Variants in BCKDHB observed in about 807,000 individuals in gnomAD.
BCKDHB encodes branched chain keto acid dehydrogenase E1 subunit beta.
In BCKDHB, 41 loss-of-function variants were observed where a neutral mutation model predicts 48.5. That is an observed-to-expected ratio of 0.85 (90% CI 0.66 to 1.10). BCKDHB has a LOEUF of 1.10. Among genes scored for constraint, BCKDHB ranks in the 50% least tolerant of loss-of-function variants. The pLI, the probability that BCKDHB is intolerant of heterozygous loss-of-function variation, is 0.00. For synonymous variants in BCKDHB, 201 were observed against 174.8 expected (o/e 1.15, Z -1.18); for missense variants, 496 against 494.2 (o/e 1.00, Z -0.03).
chr6:80,139,656 G>T (rs2127739981), intron 3 of BCKDHB, among the ~76,000 whole-genome samples: 1 of 152,128 alleles, frequency 6.6e-6, no homozygotes, highest in African/African-American at 2.4e-5. Flanking sequence ...CTGTTCCATT[G>T]ATCTATGTCT....
At chr6:80,391,639 C>T in the BCKDHB span, among the ~76,000 whole-genome samples, 1 of 152,242 alleles carries the variant, frequency 6.6e-6, no homozygotes, top group South Asian at 2.1e-4. Flanking sequence ...GAACAAATTT[C>T]TGTTGTTGTA....
chr6:80,183,145 A>G (rs1398099250), intron 6 of BCKDHB, among the ~76,000 whole-genome samples: 3 of 152,052 alleles, frequency 2.0e-5, no homozygotes, highest in Non-Finnish European at 4.4e-5. Flanking sequence ...GTATCTCTTA[A>G]TCCCTTTCTT....
chr6:80,233,037 T>C (rs1220237552), intron 8 of BCKDHB, among the ~76,000 whole-genome samples: 1 of 152,154 alleles, frequency 6.6e-6, no homozygotes, highest in Non-Finnish European at 1.5e-5. Context: ...TAAAGTTGTT[T>C]CTTCCTTTCT....
At chr6:80,312,229 C>A (rs1343849555) in intron 9 of BCKDHB, among the ~76,000 whole-genome samples, 1 of 151,666 alleles carries the variant, frequency 6.6e-6, no homozygotes, top group African/African-American at 2.4e-5. Flanking sequence ...TCTTGGCTTG[C>A]CTGTTGTTAG....
At chr6:80,139,069 T>C (rs1335725539) in intron 3 of BCKDHB, among the ~76,000 whole-genome samples, 1 of 152,244 alleles carries the variant, frequency 6.6e-6, no homozygotes, top group East Asian at 1.9e-4. Flanking sequence ...GTGAGCATTT[T>C]TTCATGTGGT....
intron 8 of BCKDHB, among the ~76,000 whole-genome samples, chr6:80,220,680 T>C (rs1775401454): frequency 6.6e-6 from 1 of 151,856 alleles, no homozygotes; most frequent in African/African-American, 2.4e-5. Flanking sequence ...AGCCTGTCTT[T>C]GTAGGCAATT....
At chr6:80,187,493 T>C (rs2322635) in intron 6 of BCKDHB, among the ~76,000 whole-genome samples, 101,935 of 151,938 alleles carry the variant, frequency 0.67, 34,884 homozygotes, top group African/African-American at 0.81. Flanking sequence ...TCAGCTGATA[T>C]TTAGCCAGTT....
intron 3 of BCKDHB, among the ~76,000 whole-genome samples, chr6:80,136,991 C>G (rs1770921769): frequency 6.6e-6 from 1 of 152,110 alleles, no homozygotes; most frequent in Non-Finnish European, 1.5e-5. Context: ...AAATTGGAAT[C>G]ATTGTGCATT....
rs191475115 is a variant in BCKDHB, at chr6:80,259,393, C to T, written c.952-13742C>T. ...CTTTGGCATCATAAAGTAGTAGGAC[C>T]GGGGAGCAATAACATTGAAAGCTAT... On this transcript the variant is annotated intron_variant, in intron 8 of 9. Coordinates refer to ENST00000320393, the MANE Select transcript of BCKDHB (RefSeq NM_183050.4). Among the ~76,000 whole-genome samples, 458 of 152,224 alleles carry T rather than the reference C, an allele frequency of 3.0e-3. 1 individual carries two copies. The highest frequency in any genetic ancestry group is 0.011 in the African/African-American group (440 of 41,520).
At chr6:80,154,119 C>T (rs1178339660) in intron 3 of BCKDHB, among the ~76,000 whole-genome samples, 1 of 152,116 alleles carries the variant, frequency 6.6e-6, no homozygotes, top group Non-Finnish European at 1.5e-5. Flanking sequence ...TGTATGAGTC[C>T]TCCAAGCCCA....
At chr6:80,360,833 C>G in the BCKDHB span, among the ~76,000 whole-genome samples, 4 of 151,612 alleles carry the variant, frequency 2.6e-5, no homozygotes, top group East Asian at 1.9e-4. Flanking sequence ...TGGTGAAACC[C>G]GTCTCTACTA....
chr6:80,406,278 A>G, the BCKDHB span, among the ~76,000 whole-genome samples: 1 of 152,224 alleles, frequency 6.6e-6, no homozygotes, highest in Non-Finnish European at 1.5e-5. Context: ...TAGTGCCGCA[A>G]TAAACATATG....
chr6:80,346,367 C>T (rs1770200411), downstream of BCKDHB: 1 of 152,026 alleles, frequency 6.6e-6, no homozygotes, highest in South Asian at 2.1e-4. Flanking sequence ...AATTAAAGTA[C>T]AGTATTCACT....
At position 80,294,619 on chromosome 6, in the gene BCKDHB, C is replaced by T. The variant is rs571557329; in HGVS notation, c.1038+21398C>T. ...TGCATTCCTGGGGGAGGTCTATAAACGACCACTCTGGGAGTGTCTGTCTTA... is the reference window on the plus strand; with the variant it reads ...TGCATTCCTGGGGGAGGTCTATAAATGACCACTCTGGGAGTGTCTGTCTTA... On this transcript the variant is annotated intron_variant, in intron 9 of 9. Transcript: ENST00000320393. Among the ~76,000 whole-genome samples the T allele has an allele frequency of 7.9e-5, 12 of 152,208 alleles. No homozygotes were observed. In the South Asian group the frequency reaches 1.7e-3, roughly 21 times the overall value.
intron 9 of BCKDHB, among the ~76,000 whole-genome samples, chr6:80,277,079 ATTCTT>A (rs1562196795): frequency 6.6e-6 from 1 of 152,006 alleles, no homozygotes; most frequent in African/African-American, 2.4e-5. Context: ...GAACTTTTTC[ATTCTT>A]TTCTTTTACT....
At chr6:80,449,165 A>G in the BCKDHB span, among the ~76,000 whole-genome samples, 1 of 152,336 alleles carries the variant, frequency 6.6e-6, no homozygotes, top group South Asian at 2.1e-4. Flanking sequence ...CTTTTAATCT[A>G]GAACAGATTC....
chr6:80,342,536 C>T (rs1582598140), intron 9 of BCKDHB, among the ~76,000 whole-genome samples: 1 of 41,198 alleles, frequency 2.4e-5, no homozygotes, highest in African/African-American at 8.9e-5. Flanking sequence ...GCCTGGGCAA[C>T]ATAAGAAGAC....
At chr6:80,457,868 A>G in the BCKDHB span, among the ~76,000 whole-genome samples, 1 of 152,228 alleles carries the variant, frequency 6.6e-6, no homozygotes, top group Non-Finnish European at 1.5e-5. Context: ...TCTGCGTCTT[A>G]AGATGAGAAA....
chr6:80,109,669 TTTTAC>T (rs1259714201), intron 1 of BCKDHB, among the ~76,000 whole-genome samples: 25 of 152,198 alleles, frequency 1.6e-4, no homozygotes, highest in African/African-American at 6.0e-4. Context: ...ATTGATTTAT[TTTTAC>T]TTAAGAATTG....
Sources: allele counts gnomAD v4.1 joint callset (sites outside exome capture counted in the v4.1 genomes callset), GRCh38; gene constraint gnomAD v4.1.1; transcripts MANE v1.5; gene names NCBI Gene and HGNC (gene_info 2026-07-23, HGNC 2026-07-21).